The following BABAM2 variants were observed in gnomAD, a reference collection of about 807,000 sequenced individuals.
BABAM2 encodes the protein BRISC and BRCA1-A complex member 2.
BABAM2 carries 31 observed loss-of-function variants against 54.7 expected under a neutral mutation model. That is an observed-to-expected ratio of 0.57 (90% CI 0.43 to 0.77). The LOEUF is 0.77. Ranked by LOEUF, BABAM2 falls within the 30% of genes least tolerant of loss-of-function variation. The probability of loss-of-function intolerance (pLI) is 0.00; values close to 1 mark genes in which losing one functional copy is unlikely to be tolerated. For synonymous variants in BABAM2, 167 were observed against 162.9 expected (o/e 1.03, Z -0.19); for missense variants, 364 against 455.8 (o/e 0.80, Z 1.83).
intron 10 of BABAM2, among the ~76,000 whole-genome samples, chr2:28,297,954 CAG>C (rs1330160306): frequency 6.6e-6 from 1 of 152,160 alleles, no homozygotes; most frequent in African/African-American, 2.4e-5. Context: ...ACACTTAAAA[CAG>C]ATAGAAAGAG....
At chr2:27,911,957 T>A (rs1437312703) in intron 2 of BABAM2, among the ~76,000 whole-genome samples, 1 of 152,224 alleles carries the variant, frequency 6.6e-6, no homozygotes, top group Non-Finnish European at 1.5e-5. Context: ...GCCTACACTA[T>A]ACCCACTAAC....
At chr2:28,291,511 T>C (rs951591597) in intron 10 of BABAM2, among the ~76,000 whole-genome samples, 1 of 151,772 alleles carries the variant, frequency 6.6e-6, no homozygotes, top group African/African-American at 2.4e-5. Context: ...GGAGAATCAC[T>C]TGAATCTGGG....
chr2:28,313,391 C>A (rs1572399212), intron 11 of BABAM2, among the ~76,000 whole-genome samples: 2 of 152,346 alleles, frequency 1.3e-5, no homozygotes, highest in East Asian at 1.9e-4. Flanking sequence ...ATTCCAGTGA[C>A]TCCTATTTTC....
chr2:28,238,020 T>C (rs575827467), intron 8 of BABAM2, among the ~76,000 whole-genome samples: 1 of 152,226 alleles, frequency 6.6e-6, no homozygotes, highest in Non-Finnish European at 1.5e-5. Context: ...TGGCTAATTT[T>C]TATATTTTTA....
chr2:28,138,262 G>A (rs1010758820), intron 7 of BABAM2, among the ~76,000 whole-genome samples: 2 of 152,176 alleles, frequency 1.3e-5, no homozygotes, highest in Admixed American at 6.5e-5. Context: ...CTCAGATTGA[G>A]AAAGTCCGGT....
intron 10 of BABAM2, among the ~76,000 whole-genome samples, chr2:28,261,671 C>T (rs1015802656): frequency 1.3e-5 from 2 of 152,058 alleles, no homozygotes; most frequent in African/African-American, 4.8e-5. Context: ...ATGATCATGT[C>T]ATCTGCAGAT....
In BABAM2 at chr2:27,894,664, G is replaced by A; in HGVS notation, c.108G>A (p.Arg36=). ...GACTGGATGCTACAAACTGTTTGAG[G>A]ATAACTGACTTAAAATCTGGGTATG... ...KVGLDATNCL[R]ITDLKSGCTS... Residue 36 remains arginine, a synonymous_variant, in exon 2 of 12, where the codon AGG becomes AGA. Coordinates refer to ENST00000379624, the MANE Select transcript of BABAM2 (RefSeq NM_199191.3). 6.2e-7 allele frequency: 1 copy of A among 1,614,128 alleles called. No individual in the cohort carries two copies. Among genetic ancestry groups the A allele is most frequent in the Non-Finnish European group, 8.5e-7 (1 of 1,180,022 alleles).
chr2:27,980,300 A>G (rs554257622), intron 3 of BABAM2, among the ~76,000 whole-genome samples: 5 of 152,174 alleles, frequency 3.3e-5, no homozygotes, highest in African/African-American at 9.6e-5. Context: ...TGTTCATATC[A>G]TCTGCTCCAG....
chr2:28,196,147 G>A (rs1677514375), intron 7 of BABAM2, among the ~76,000 whole-genome samples: 2 of 151,954 alleles, frequency 1.3e-5, no homozygotes, highest in African/African-American at 4.8e-5. Flanking sequence ...CTAACGTGGT[G>A]AAACCCCGTC....
At chr2:28,049,495 A>G (rs1677844147) in intron 6 of BABAM2, among the ~76,000 whole-genome samples, 1 of 152,204 alleles carries the variant, frequency 6.6e-6, no homozygotes, top group Non-Finnish European at 1.5e-5. Context: ...TTGGACTTTT[A>G]TTGGCATTAT....
chr2:28,268,520 G>A (rs945327523), intron 10 of BABAM2, among the ~76,000 whole-genome samples: 12 of 152,286 alleles, frequency 7.9e-5, no homozygotes, highest in Middle Eastern at 6.8e-3. Flanking sequence ...TTTGGTATGT[G>A]TCACATATTG....
chr2:28,105,694 A>G (rs542172575), intron 6 of BABAM2, among the ~76,000 whole-genome samples: 1 of 152,214 alleles, frequency 6.6e-6, no homozygotes, highest in South Asian at 2.1e-4. Flanking sequence ...TTATTAAGCA[A>G]TTTCAGTAAG....
intron 10 of BABAM2, among the ~76,000 whole-genome samples, chr2:28,289,712 A>G (rs1001953242): frequency 1.3e-5 from 2 of 152,204 alleles, no homozygotes; most frequent in African/African-American, 4.8e-5. Context: ...AATAGCTTGA[A>G]GCTGGAAGGC....
At chr2:28,197,163 C>T (rs1255822668) in intron 7 of BABAM2, among the ~76,000 whole-genome samples, 1 of 151,974 alleles carries the variant, frequency 6.6e-6, no homozygotes, top group East Asian at 1.9e-4. Context: ...AAGACCCTGC[C>T]TCTTAAAAGT....
intron 3 of BABAM2, among the ~76,000 whole-genome samples, chr2:27,942,249 C>T (rs1040091337): frequency 7.9e-5 from 12 of 152,090 alleles, no homozygotes; most frequent in Non-Finnish European, 1.2e-4. Flanking sequence ...AGTGGTGTTG[C>T]GAAGTTTGTT....
At chr2:28,003,149 AGTGACTGTAGG>A (rs757359126) in intron 4 of BABAM2, among the ~76,000 whole-genome samples, 7 of 152,154 alleles carry the variant, frequency 4.6e-5, no homozygotes, top group Non-Finnish European at 8.8e-5. Flanking sequence ...TGGGGAAGTG[AGTGACTGTAGG>A]GTGAAAAAAG....
At chr2:28,267,966 T>A (rs761142556) in intron 10 of BABAM2, among the ~76,000 whole-genome samples, 1 of 152,136 alleles carries the variant, frequency 6.6e-6, no homozygotes, top group Non-Finnish European at 1.5e-5. Flanking sequence ...AGTGTCAAAT[T>A]TACATTATTA....
At chr2:28,308,991 C>T (rs1330148509) in intron 11 of BABAM2, 1 of 152,258 alleles carries the variant, frequency 6.6e-6, no homozygotes, top group East Asian at 1.9e-4. Flanking sequence ...TAAAACGCCA[C>T]TAATTATTAA....
At chr2:28,114,225 T>C (rs530448505) in intron 6 of BABAM2, among the ~76,000 whole-genome samples, 16 of 152,198 alleles carry the variant, frequency 1.1e-4, no homozygotes, top group African/African-American at 3.9e-4. Flanking sequence ...AGAGAGGAAG[T>C]CAAATTACCT....
Sources: gnomAD v4.1 joint callset for allele counts (sites outside exome capture counted in the v4.1 genomes callset) on GRCh38, gnomAD v4.1.1 for gene constraint, MANE v1.5 for transcripts, NCBI Gene and HGNC (gene_info 2026-07-23, HGNC 2026-07-21) for gene names.